Variants in COL25A1 observed in about 807,000 individuals in gnomAD.
COL25A1 encodes the protein collagen alpha-1(XXV) chain.
COL25A1 carries 103 observed loss-of-function variants against 128.4 expected under a neutral mutation model. That is an observed-to-expected ratio of 0.80 (90% CI 0.68 to 0.94). COL25A1 has a LOEUF of 0.94. Among genes scored for constraint, COL25A1 ranks in the 40% least tolerant of loss-of-function variants. COL25A1 has a pLI of 0.00. For synonymous variants in COL25A1, 279 were observed against 277.2 expected (o/e 1.01, Z -0.06); for missense variants, 745 against 840.0 (o/e 0.89, Z 1.40).
intron 3 of COL25A1, among the ~76,000 whole-genome samples, chr4:109,179,197 TA>T (rs1464598241): frequency 6.6e-6 from 1 of 152,172 alleles, no homozygotes; most frequent in African/African-American, 2.4e-5. Flanking sequence ...TCCACTCTAT[TA>T]AATCAACATC....
chr4:109,229,449 T>C (rs890734424), intron 3 of COL25A1, among the ~76,000 whole-genome samples: 1 of 152,228 alleles, frequency 6.6e-6, no homozygotes, highest in Non-Finnish European at 1.5e-5. Flanking sequence ...TATTGTTGAT[T>C]CATTAACATT....
At chr4:109,294,608 G>A (rs1724797771) in intron 3 of COL25A1, among the ~76,000 whole-genome samples, 2 of 152,068 alleles carry the variant, frequency 1.3e-5, no homozygotes, top group South Asian at 4.1e-4. Flanking sequence ...GGAGGCTGGG[G>A]ATGCATCTAT....
intron 3 of COL25A1, 87 bp downstream of exon 3, chr4:109,300,496 T>C: frequency 1.2e-6 from 1 of 867,082 alleles, no homozygotes; most frequent in Non-Finnish European, 1.9e-6. Context: ...TCTTTACTAT[T>C]ATTACAGGTA....
chr4:109,234,487 G>A (rs1341850037), intron 3 of COL25A1, among the ~76,000 whole-genome samples: 2 of 151,996 alleles, frequency 1.3e-5, no homozygotes, highest in African/African-American at 4.8e-5. Flanking sequence ...GTTTCTGGGG[G>A]AAAAAAGCTA....
At chr4:108,908,227 C>T (rs1369568737) in intron 13 of COL25A1, among the ~76,000 whole-genome samples, 1 of 152,154 alleles carries the variant, frequency 6.6e-6, no homozygotes, top group Admixed American at 6.6e-5. Flanking sequence ...TCAAGAATTC[C>T]TCTCTGCAGG....
At chr4:108,834,505 T>C in intron 31 of COL25A1, 2 of 905,568 alleles carry the variant, frequency 2.2e-6, no homozygotes, top group Non-Finnish European at 3.5e-6. Flanking sequence ...AATACGCAGT[T>C]ACAGGGTTCT....
At chr4:109,085,454 C>G (rs1764267312) in intron 3 of COL25A1, among the ~76,000 whole-genome samples, 1 of 152,170 alleles carries the variant, frequency 6.6e-6, no homozygotes, top group Non-Finnish European at 1.5e-5. Flanking sequence ...CTTACTCCGT[C>G]TCAATTTAGG....
At chr4:108,873,677 C>G (rs559814669) in intron 19 of COL25A1, among the ~76,000 whole-genome samples, 1 of 152,142 alleles carries the variant, frequency 6.6e-6, no homozygotes, top group Admixed American at 6.5e-5. Context: ...GGGTTATACT[C>G]AATACTACTT....
intron 3 of COL25A1, among the ~76,000 whole-genome samples, chr4:109,141,326 T>C (rs957116847): frequency 6.6e-6 from 1 of 152,206 alleles, no homozygotes; most frequent in Non-Finnish European, 1.5e-5. Context: ...GCTGCTGGGT[T>C]CAGTTTGCCA....
intron 3 of COL25A1, among the ~76,000 whole-genome samples, chr4:109,171,308 T>A (rs1180392774): frequency 6.6e-6 from 1 of 152,212 alleles, no homozygotes; most frequent in Non-Finnish European, 1.5e-5. Flanking sequence ...TAATTCTGAC[T>A]CACCTCCCCA....
chr4:108,852,901 C>T lies in COL25A1; in HGVS notation c.1344+1G>A. ...CACAGAAAGCATGCAATAGGAGTTA[C>T]CGTGACAGTTAAGGTGGTAATCCTC... On this transcript the variant is annotated splice_donor_variant, in intron 25 of 37. Transcript: ENST00000399132. LOFTEE classifies it high-confidence loss of function. 1 of 1,610,070 alleles carries T rather than the reference C, an allele frequency of 6.2e-7. No individual in the cohort carries two copies. Among genetic ancestry groups the T allele is most frequent in the Non-Finnish European group, 8.5e-7 (1 of 1,178,156 alleles).
In COL25A1 at chr4:108,850,282, A is replaced by C. The variant is rs188319124; in HGVS notation, c.1390-1479T>G. Among the ~76,000 whole-genome samples, 661 of 152,284 alleles carry C rather than the reference A, an allele frequency of 4.3e-3. 3 individuals carry two copies. Among genetic ancestry groups the C allele is most frequent in the Middle Eastern group, 0.02 (6 of 294 alleles). ...ATGAAGGAGAAATGCTAATTGAGTA[A>C]GTTCCCATTCAGTCTGAATTCCAAG... is the stretch of plus-strand genomic sequence containing the variant. On this transcript the variant is annotated intron_variant, in intron 26 of 37. Transcript: ENST00000399132.
chr4:109,012,705 G>A (rs578064661), intron 5 of COL25A1, among the ~76,000 whole-genome samples: 27 of 152,296 alleles, frequency 1.8e-4, no homozygotes, highest in African/African-American at 4.8e-4. Context: ...GGCCTCAGCC[G>A]CCTCTCCGCC....
intron 10 of COL25A1, among the ~76,000 whole-genome samples, chr4:108,938,125 G>A (rs1048783695): frequency 9.2e-5 from 14 of 152,110 alleles, no homozygotes; most frequent in African/African-American, 2.4e-4. Context: ...TTCATACATA[G>A]GACAGAGAGA....
At chr4:108,979,321 A>G (rs1752732402) in intron 6 of COL25A1, among the ~76,000 whole-genome samples, 1 of 152,244 alleles carries the variant, frequency 6.6e-6, no homozygotes. Context: ...ATAAAACCAA[A>G]CTAAAAACAA....
At chr4:108,917,503 A>G (rs1413976883) in intron 13 of COL25A1, among the ~76,000 whole-genome samples, 1 of 152,164 alleles carries the variant, frequency 6.6e-6, no homozygotes, top group Non-Finnish European at 1.5e-5. Flanking sequence ...GTTTCTGTGA[A>G]GGTTCCAGAC....
chr4:108,899,090 T>C (rs1022465338), intron 15 of COL25A1, 64 bp downstream of exon 15: 2 of 1,526,174 alleles, frequency 1.3e-6, no homozygotes, highest in Non-Finnish European at 1.8e-6. Flanking sequence ...TTAGTTTGAG[T>C]ACTTCTTTGG....
chr4:109,060,554 G>A (rs539883676), intron 3 of COL25A1, among the ~76,000 whole-genome samples: 3 of 152,182 alleles, frequency 2.0e-5, no homozygotes, highest in African/African-American at 7.2e-5. Flanking sequence ...CTGGCACAGA[G>A]TAAACATTCT....
chr4:108,840,007 C>T (rs371467633), intron 31 of COL25A1, among the ~76,000 whole-genome samples: 8 of 151,714 alleles, frequency 5.3e-5, no homozygotes, highest in Admixed American at 1.3e-4. Flanking sequence ...TTTGGGAGGC[C>T]GAGGCGGGCG....
Sources: gnomAD v4.1 joint callset for allele counts (sites outside exome capture counted in the v4.1 genomes callset) on GRCh38, gnomAD v4.1.1 for gene constraint, MANE v1.5 for transcripts, NCBI Gene and HGNC (gene_info 2026-07-23, HGNC 2026-07-21) for gene names.